Variants in ATXN7L1 observed in about 807,000 individuals in gnomAD.
The protein encoded by ATXN7L1 is ataxin 7 like 1.
In ATXN7L1, 15 loss-of-function variants were observed where a neutral mutation model predicts 70.8. The observed-to-expected ratio is 0.21, with a 90% confidence interval of 0.14 to 0.33. The LOEUF is 0.33. Among genes scored for constraint, ATXN7L1 ranks in the 10% least tolerant of loss-of-function variants. ATXN7L1 has a pLI of 1.00. For missense variants in ATXN7L1, 975 were observed against 1,097.1 expected (o/e 0.89, Z 1.57); for synonymous variants, 440 against 445.1 (o/e 0.99, Z 0.14).
intron 3 of ATXN7L1, among the ~76,000 whole-genome samples, chr7:105,762,612 C>T (rs2116416602): frequency 6.6e-6 from 1 of 152,300 alleles, no homozygotes; most frequent in Admixed American, 6.5e-5. Context: ...GCCCCAATGG[C>T]TGCAGCCCTC....
chr7:105,790,689 A>G (rs964624791), intron 2 of ATXN7L1, among the ~76,000 whole-genome samples: 68 of 150,852 alleles, frequency 4.5e-4, no homozygotes, highest in Admixed American at 1.5e-3. Flanking sequence ...CTATCTATCT[A>G]TCTATCTATC....
intron 3 of ATXN7L1, among the ~76,000 whole-genome samples, chr7:105,746,945 T>C (rs953038161): frequency 3.9e-5 from 6 of 152,192 alleles, no homozygotes; most frequent in African/African-American, 1.4e-4. Flanking sequence ...TGTATACCCT[T>C]CTGTGATTTT....
At chr7:105,813,763 C>G (rs1413815318) in intron 2 of ATXN7L1, among the ~76,000 whole-genome samples, 1 of 152,166 alleles carries the variant, frequency 6.6e-6, no homozygotes, top group East Asian at 1.9e-4. Context: ...TGGGAACTCT[C>G]CTTTTCTCTC....
chr7:105,788,523 C>T (rs1804657616), intron 3 of ATXN7L1, 81 bp downstream of exon 3: 15 of 1,149,884 alleles, frequency 1.3e-5, no homozygotes, highest in Non-Finnish European at 2.0e-5. Flanking sequence ...ATGGCGAGAC[C>T]CTGTCGGGGA....
intron 3 of ATXN7L1, among the ~76,000 whole-genome samples, chr7:105,703,305 CA>C (rs11431783): frequency 0.028 from 3,521 of 126,582 alleles, 57 homozygotes; most frequent in Middle Eastern, 0.053. Flanking sequence ...AACTCCGTCT[CA>C]AAAAAAAAAA....
At chr7:105,873,133 G>A (rs1021294457) in intron 2 of ATXN7L1, among the ~76,000 whole-genome samples, 3 of 150,126 alleles carry the variant, frequency 2.0e-5, no homozygotes, top group African/African-American at 4.9e-5. Context: ...CAGCCTGGGC[G>A]GCAGAGCAAG....
At chr7:105,655,657 C>T (rs940368) in intron 4 of ATXN7L1, among the ~76,000 whole-genome samples, 2,463 of 152,318 alleles carry the variant, frequency 0.016, 60 homozygotes, top group African/African-American at 0.056. Flanking sequence ...CCCCAGTTCA[C>T]GCCAGCACCA....
intron 2 of ATXN7L1, among the ~76,000 whole-genome samples, chr7:105,871,827 T>C (rs1818311143): frequency 6.6e-6 from 1 of 152,130 alleles, no homozygotes; most frequent in South Asian, 2.1e-4. Context: ...CCAGTTAACA[T>C]TTCATACTTT....
At chr7:105,619,856 C>G (rs1201038421) in intron 9 of ATXN7L1, among the ~76,000 whole-genome samples, 1 of 151,972 alleles carries the variant, frequency 6.6e-6, no homozygotes, top group Non-Finnish European at 1.5e-5. Flanking sequence ...TGCACTCAGC[C>G]AGAAGCATGT....
At chr7:105,837,639 A>G (rs1812599303) in intron 2 of ATXN7L1, among the ~76,000 whole-genome samples, 2 of 152,168 alleles carry the variant, frequency 1.3e-5, no homozygotes, top group Non-Finnish European at 2.9e-5. Flanking sequence ...GAATCCACAT[A>G]TGATGGGGGA....
At chr7:105,832,203 T>C (rs1005083058) in intron 2 of ATXN7L1, among the ~76,000 whole-genome samples, 3 of 152,154 alleles carry the variant, frequency 2.0e-5, no homozygotes, top group Admixed American at 1.3e-4. Flanking sequence ...CTTGACATTA[T>C]AGAAGTAAAC....
chr7:105,723,511 T>C (rs1385134457), intron 3 of ATXN7L1, among the ~76,000 whole-genome samples: 1 of 152,156 alleles, frequency 6.6e-6, no homozygotes, highest in Non-Finnish European at 1.5e-5. Flanking sequence ...CCCACAGTTT[T>C]ATGATGTTAT....
At chr7:105,715,019 G>A (rs927323448) in intron 3 of ATXN7L1, among the ~76,000 whole-genome samples, 1 of 152,150 alleles carries the variant, frequency 6.6e-6, no homozygotes, top group African/African-American at 2.4e-5. Flanking sequence ...GTTTCTTGAG[G>A]GTGCGTGTGT....
At chr7:105,739,387 G>A (rs1347525554) in intron 3 of ATXN7L1, among the ~76,000 whole-genome samples, 2 of 152,220 alleles carry the variant, frequency 1.3e-5, no homozygotes, top group Non-Finnish European at 2.9e-5. Context: ...CCTAAAGTTT[G>A]AGAAGCACGC....
At chr7:105,803,345 C>A (rs76291315) in intron 2 of ATXN7L1, among the ~76,000 whole-genome samples, 1 of 152,230 alleles carries the variant, frequency 6.6e-6, no homozygotes, top group African/African-American at 2.4e-5. Context: ...CCCCTGGGAG[C>A]GTGGCCTGCT....
intron 4 of ATXN7L1, among the ~76,000 whole-genome samples, chr7:105,664,551 CAT>C (rs1166221059): frequency 8.2e-6 from 1 of 122,548 alleles, no homozygotes; most frequent in Non-Finnish European, 1.7e-5. Context: ...GTATAATATA[CAT>C]ATATATATTA....
At chr7:105,667,813 A>C (rs1057324367) in intron 3 of ATXN7L1, among the ~76,000 whole-genome samples, 3 of 152,204 alleles carry the variant, frequency 2.0e-5, no homozygotes, top group Admixed American at 6.5e-5. Flanking sequence ...GACTAGAACC[A>C]AGTCTCCTAA....
chr7:105,809,905 G>T (rs973989036), intron 2 of ATXN7L1, among the ~76,000 whole-genome samples: 1 of 152,026 alleles, frequency 6.6e-6, no homozygotes, highest in African/African-American at 2.4e-5. Flanking sequence ...CAAGTAGCTG[G>T]GACGAAAGGC....
chr7:105,635,904 A>C (rs2115882253), intron 7 of ATXN7L1, among the ~76,000 whole-genome samples: 1 of 151,278 alleles, frequency 6.6e-6, no homozygotes, highest in South Asian at 2.1e-4. Flanking sequence ...TATTATATAT[A>C]CATCAATATG....
Sources: allele counts gnomAD v4.1 joint callset (sites outside exome capture counted in the v4.1 genomes callset), GRCh38; gene constraint gnomAD v4.1.1; transcripts MANE v1.5; gene names NCBI Gene and HGNC (gene_info 2026-07-23, HGNC 2026-07-21).